MRTFB: variants seen among roughly 807,000 people sequenced by gnomAD.
MRTFB encodes the protein myocardin related transcription factor B.
MRTFB carries 29 observed loss-of-function variants against 104.2 expected under a neutral mutation model. The ratio of observed to expected loss-of-function variants is 0.28; its 90% confidence interval spans 0.21 to 0.38. The LOEUF (loss-of-function observed/expected upper bound fraction) is 0.38, where lower values mean the gene tolerates loss of function less well. Ranked by LOEUF, MRTFB falls within the 10% of genes least tolerant of loss-of-function variation. The pLI is 1.00. For missense variants in MRTFB, 1,270 were observed against 1,341.6 expected (o/e 0.95, Z 0.83); for synonymous variants, 535 against 519.5 (o/e 1.03, Z -0.41).
At chr16:14,196,641 A>G (rs542942213) in intron 3 of MRTFB, among the ~76,000 whole-genome samples, 88 of 152,322 alleles carry the variant, frequency 5.8e-4, no homozygotes, top group African/African-American at 2.0e-3. Flanking sequence ...AATAGTCTTA[A>G]TATCAAAATT....
intron 2 of MRTFB, among the ~76,000 whole-genome samples, chr16:14,108,564 G>A (rs533343399): frequency 3.3e-5 from 5 of 152,276 alleles, no homozygotes; most frequent in East Asian, 1.9e-4. Flanking sequence ...AGCTAACTGC[G>A]GGGGAACTTG....
intron 7 of MRTFB, among the ~76,000 whole-genome samples, chr16:14,218,300 C>G (rs865896957): frequency 6.6e-6 from 1 of 152,068 alleles, no homozygotes; most frequent in South Asian, 2.1e-4. Context: ...ACCTCATGAT[C>G]CACCCGCCTC....
the MRTFB span, among the ~76,000 whole-genome samples, chr16:14,013,831 C>A: frequency 6.6e-6 from 1 of 152,174 alleles, no homozygotes; most frequent in Non-Finnish European, 1.5e-5. Flanking sequence ...AGAATCCAAC[C>A]CTGAACGTGA....
chr16:14,011,867 G>A, the MRTFB span, among the ~76,000 whole-genome samples: 3 of 152,090 alleles, frequency 2.0e-5, no homozygotes, highest in Admixed American at 6.6e-5. Flanking sequence ...GTGAGACTCC[G>A]TCTCACAAAT....
chr16:14,069,094 C>T (rs1480764104), upstream of MRTFB, among the ~76,000 whole-genome samples: 5 of 151,786 alleles, frequency 3.3e-5, no homozygotes, highest in Admixed American at 2.6e-4. Context: ...CTCAGCCTCC[C>T]CAGTAGCTGG....
At chr16:14,007,261 A>G in the MRTFB span, among the ~76,000 whole-genome samples, 19 of 152,266 alleles carry the variant, frequency 1.2e-4, no homozygotes, top group Non-Finnish European at 1.8e-4. Context: ...TTCTGTCTCT[A>G]TAGAAAGGAA....
intron 3 of MRTFB, chr16:14,199,943 T>A: frequency 4.3e-6 from 1 of 234,302 alleles, no homozygotes; most frequent in Admixed American, 5.2e-5. Flanking sequence ...ACTAGTACCC[T>A]TAGGTGAGAG....
At chr16:14,230,834 G>A (rs551525645) in intron 8 of MRTFB, among the ~76,000 whole-genome samples, 7,856 of 150,940 alleles carry the variant, frequency 0.052, 281 homozygotes, top group African/African-American at 0.098. Context: ...ACATGCACAC[G>A]TATGTTTATT....
At chr16:14,247,725 CCTTTTCCCT>C (rs2043085655) in intron 12 of MRTFB, 4 of 564,684 alleles carry the variant, frequency 7.1e-6, no homozygotes, top group Non-Finnish European at 1.2e-5. Flanking sequence ...AGTCCTGTTA[CCTTTTCCCT>C]TGAATGAACA....
At chr16:14,129,020 C>T (rs965667062) in intron 2 of MRTFB, among the ~76,000 whole-genome samples, 2 of 152,218 alleles carry the variant, frequency 1.3e-5, no homozygotes, top group African/African-American at 4.8e-5. Flanking sequence ...TATTGAAGCC[C>T]TTTGAGTACA....
At chr16:14,006,836 C>G in the MRTFB span, among the ~76,000 whole-genome samples, 1 of 151,802 alleles carries the variant, frequency 6.6e-6, no homozygotes, top group Non-Finnish European at 1.5e-5. Flanking sequence ...GGCAACATAG[C>G]AAGACCTCAT....
intron 1 of MRTFB, among the ~76,000 whole-genome samples, chr16:14,072,759 AAG>A (rs1171650080): frequency 6.6e-6 from 1 of 152,196 alleles, no homozygotes; most frequent in East Asian, 1.9e-4. Flanking sequence ...TTGCGAATTA[AAG>A]AGAGAAACAA....
chr16:14,024,050 CAA>C, the MRTFB span, among the ~76,000 whole-genome samples: 2 of 141,110 alleles, frequency 1.4e-5, no homozygotes, highest in Admixed American at 7.1e-5. Context: ...GACTCCATCT[CAA>C]AAAAAAAAAA....
intron 2 of MRTFB, among the ~76,000 whole-genome samples, chr16:14,085,688 G>A (rs2034666184): frequency 6.6e-6 from 1 of 152,080 alleles, no homozygotes; most frequent in Non-Finnish European, 1.5e-5. Flanking sequence ...GTGTTTGAAG[G>A]AATGAATGGT....
intron 8 of MRTFB, among the ~76,000 whole-genome samples, chr16:14,228,763 G>A (rs1212470057): frequency 6.6e-6 from 1 of 150,674 alleles, no homozygotes; most frequent in African/African-American, 2.4e-5. Flanking sequence ...AGCAAATTCT[G>A]CATTCCGTCA....
intron 3 of MRTFB, among the ~76,000 whole-genome samples, chr16:14,163,447 A>G (rs958967955): frequency 6.6e-6 from 1 of 152,216 alleles, no homozygotes; most frequent in Non-Finnish European, 1.5e-5. Context: ...AGCCTCAGCT[A>G]TGTTTACTGT....
In MRTFB at chr16:14,247,345, C is replaced by G. The variant is rs1466321796; in HGVS notation, c.2085C>G (p.Val695=). 7 of 1,614,074 alleles carry G rather than the reference C, an allele frequency of 4.3e-6. No individual in the cohort carries two copies. The highest frequency in any genetic ancestry group is 1.6e-4 in the Middle Eastern group (1 of 6,084). Residue 695 remains valine, a synonymous_variant, in exon 12 of 17, where the codon GTC becomes GTG. Transcript: ENST00000571589. ...GCCAGGCAGAGCAGCAGAGTGTCGT[C>G]TCGCAGTTTTATGTGAGTTCCCAGG... ...PVGQAEQQSV[V]SQFYVSSQGQ...
intron 2 of MRTFB, among the ~76,000 whole-genome samples, chr16:14,102,612 A>G (rs2035761911): frequency 6.6e-6 from 1 of 152,196 alleles, no homozygotes; most frequent in South Asian, 2.1e-4. Flanking sequence ...TACAGATATT[A>G]TTTATTCTAA....
intron 8 of MRTFB, among the ~76,000 whole-genome samples, chr16:14,233,601 C>A (rs1299592302): frequency 6.6e-6 from 1 of 151,824 alleles, no homozygotes; most frequent in Non-Finnish European, 1.5e-5. Context: ...CCAGCCTGGC[C>A]AACGTGGTGA....
Sources: gnomAD v4.1 joint callset for allele counts (sites outside exome capture counted in the v4.1 genomes callset) on GRCh38, gnomAD v4.1.1 for gene constraint, MANE v1.5 for transcripts, NCBI Gene and HGNC (gene_info 2026-07-23, HGNC 2026-07-21) for gene names.